Variants in WWOX observed in about 807,000 individuals in gnomAD.
WWOX encodes WW domain-containing oxidoreductase.
In WWOX, 69 loss-of-function variants were observed where a neutral mutation model predicts 46.2. That is an observed-to-expected ratio of 1.49 (90% CI 1.23 to 1.82). The LOEUF (loss-of-function observed/expected upper bound fraction) is 1.82, where lower values mean the gene tolerates loss of function less well. Among genes scored for constraint, WWOX ranks in the 40% most tolerant of loss-of-function variants. The pLI, the probability that WWOX is intolerant of heterozygous loss-of-function variation, is 0.00. For missense variants in WWOX, 919 were observed against 542.6 expected (o/e 1.69, Z -6.89); for synonymous variants, 359 against 202.6 (o/e 1.77, Z -6.56).
intron 8 of WWOX, among the ~76,000 whole-genome samples, chr16:78,904,141 A>G (rs532337016): frequency 1.3e-5 from 2 of 151,538 alleles, no homozygotes; most frequent in South Asian, 2.1e-4. Context: ...CTAGCAACAG[A>G]TGTAAAGTCC....
At chr16:78,986,211 T>G (rs1412257798) in intron 8 of WWOX, among the ~76,000 whole-genome samples, 4 of 152,192 alleles carry the variant, frequency 2.6e-5, no homozygotes, top group Non-Finnish European at 5.9e-5. Flanking sequence ...GCAGCGCGCT[T>G]GCAATTTTCC....
chr16:78,657,642 G>C (rs2047111498), intron 8 of WWOX, among the ~76,000 whole-genome samples: 1 of 152,064 alleles, frequency 6.6e-6, no homozygotes. Flanking sequence ...ACAGATTTTA[G>C]TCCCCTCTTG....
At chr16:78,541,301 C>T (rs1436720048) in intron 8 of WWOX, among the ~76,000 whole-genome samples, 3 of 150,534 alleles carry the variant, frequency 2.0e-5, no homozygotes, top group Non-Finnish European at 4.4e-5. Flanking sequence ...GGTGAAACCC[C>T]GTCTCTACTA....
chr16:78,455,522 A>T (rs1238358260), intron 8 of WWOX, among the ~76,000 whole-genome samples: 2 of 151,624 alleles, frequency 1.3e-5, no homozygotes, highest in African/African-American at 2.4e-5. Context: ...GTGTGCCTGT[A>T]GTCCCAGCTA....
intron 8 of WWOX, among the ~76,000 whole-genome samples, chr16:78,706,502 T>A (rs544518041): frequency 1.3e-5 from 2 of 152,300 alleles, no homozygotes; most frequent in East Asian, 1.9e-4. Flanking sequence ...TTTTTGAAGC[T>A]TTTCATTTCC....
intron 8 of WWOX, among the ~76,000 whole-genome samples, chr16:78,831,760 T>A (rs1374537035): frequency 6.6e-6 from 1 of 152,188 alleles, no homozygotes; most frequent in Admixed American, 6.5e-5. Context: ...GTGAAAATAA[T>A]GATTATAACT....
intron 8 of WWOX, among the ~76,000 whole-genome samples, chr16:79,157,642 A>G (rs1392882421): frequency 1.3e-5 from 2 of 152,202 alleles, no homozygotes; most frequent in East Asian, 1.9e-4. Context: ...AGGTATGCTA[A>G]GACCAGCAGA....
chr16:78,366,454 T>A (rs535492096), intron 5 of WWOX, among the ~76,000 whole-genome samples: 1 of 152,178 alleles, frequency 6.6e-6, no homozygotes, highest in Admixed American at 6.5e-5. Context: ...CATGACATTC[T>A]CCTTTCTTCT....
intron 8 of WWOX, chr16:79,016,175 A>G (rs2047408320): frequency 6.6e-6 from 1 of 152,238 alleles, no homozygotes; most frequent in Non-Finnish European, 1.5e-5. Flanking sequence ...TTCAGAAAGA[A>G]AGGATCTACT....
At chr16:78,489,558 A>G (rs1044404841) in intron 8 of WWOX, among the ~76,000 whole-genome samples, 2 of 152,128 alleles carry the variant, frequency 1.3e-5, no homozygotes, top group African/African-American at 4.8e-5. Context: ...CGTAACACAA[A>G]TGTTACATGT....
chr16:78,799,553 G>C (rs903353894), intron 8 of WWOX, among the ~76,000 whole-genome samples: 4 of 152,126 alleles, frequency 2.6e-5, no homozygotes, highest in Non-Finnish European at 5.9e-5. Flanking sequence ...CCGAATCTCT[G>C]CGTATGGAAT....
chr16:78,812,997 T>C (rs894433680), intron 8 of WWOX, among the ~76,000 whole-genome samples: 27 of 152,026 alleles, frequency 1.8e-4, no homozygotes, highest in Admixed American at 9.8e-4. Flanking sequence ...GAAACACAAT[T>C]AGGGAATCTA....
At chr16:78,375,058 G>C (rs1043146416) in intron 5 of WWOX, among the ~76,000 whole-genome samples, 1 of 152,156 alleles carries the variant, frequency 6.6e-6, no homozygotes, top group Non-Finnish European at 1.5e-5. Flanking sequence ...TTTTAAGCAG[G>C]AAACCTTATT....
intron 5 of WWOX, among the ~76,000 whole-genome samples, chr16:78,176,342 T>G (rs1048923430): frequency 6.6e-6 from 1 of 152,202 alleles, no homozygotes; most frequent in Non-Finnish European, 1.5e-5. Context: ...TGGGATGCAC[T>G]TGGTAAGGCT....
chr16:78,444,328 C>G (rs2083510907), intron 8 of WWOX, among the ~76,000 whole-genome samples: 1 of 151,996 alleles, frequency 6.6e-6, no homozygotes, highest in Admixed American at 6.6e-5. Flanking sequence ...TAAAATGAAT[C>G]AGTTAACCAA....
intron 8 of WWOX, among the ~76,000 whole-genome samples, chr16:79,180,401 C>T (rs2050887035): frequency 6.6e-6 from 1 of 152,156 alleles, no homozygotes; most frequent in African/African-American, 2.4e-5. Flanking sequence ...ATTTCTTCAT[C>T]AGATATTAAT....
At chr16:78,544,336 A>T (rs2043969992) in intron 8 of WWOX, among the ~76,000 whole-genome samples, 3 of 152,210 alleles carry the variant, frequency 2.0e-5, no homozygotes, top group African/African-American at 7.2e-5. Flanking sequence ...GTTACCATTT[A>T]TTGAGAGCAC....
intron 8 of WWOX, among the ~76,000 whole-genome samples, chr16:79,154,485 T>G (rs942050301): frequency 1.9e-4 from 28 of 150,882 alleles, no homozygotes; most frequent in Non-Finnish European, 5.9e-5. Context: ...ATAAATAATT[T>G]TTTAAAATCC....
At chr16:79,173,963 T>G (rs1442528304) in intron 8 of WWOX, among the ~76,000 whole-genome samples, 7 of 152,186 alleles carry the variant, frequency 4.6e-5, no homozygotes, top group Admixed American at 4.6e-4. Flanking sequence ...TTTGAAAATG[T>G]CTAACTTAAA....
Sources: allele counts gnomAD v4.1 joint callset (sites outside exome capture counted in the v4.1 genomes callset), GRCh38; gene constraint gnomAD v4.1.1; transcripts MANE v1.5; gene names NCBI Gene and HGNC (gene_info 2026-07-23, HGNC 2026-07-21).